Variants in PDE8B observed in about 807,000 individuals in gnomAD.
PDE8B encodes the protein high affinity cAMP-specific and IBMX-insensitive 3',5'-cyclic phosphodiesterase 8B.
Under a neutral mutation model 101.3 loss-of-function variants are expected in PDE8B, and 26 were observed. That is an observed-to-expected ratio of 0.26 (90% CI 0.19 to 0.36). PDE8B has a LOEUF of 0.36. PDE8B is among the 10% of genes least tolerant of loss of function. The pLI is 1.00. For synonymous variants in PDE8B, 424 were observed against 429.3 expected (o/e 0.99, Z 0.15); for missense variants, 810 against 1,163.1 (o/e 0.70, Z 4.42).
At chr5:77,251,467 A>G (rs1758042793) in intron 1 of PDE8B, among the ~76,000 whole-genome samples, 1 of 152,230 alleles carries the variant, frequency 6.6e-6, no homozygotes, top group Non-Finnish European at 1.5e-5. Flanking sequence ...GTTAAAGCAG[A>G]GAAGGTCTCT....
chr5:77,115,883 A>G, the PDE8B span, among the ~76,000 whole-genome samples: 1 of 152,248 alleles, frequency 6.6e-6, no homozygotes, highest in Admixed American at 6.5e-5. Context: ...TAATGATTCC[A>G]TAATCTCTCA....
intron 1 of PDE8B, among the ~76,000 whole-genome samples, chr5:77,273,034 A>C (rs532507161): frequency 1.3e-5 from 2 of 152,366 alleles, no homozygotes; most frequent in East Asian, 3.9e-4. Flanking sequence ...AATTTAAAGA[A>C]ACTTGCTTAT....
In PDE8B at chr5:77,426,677, T is replaced by G. The variant is rs996310979; in HGVS notation, c.*123T>G. The G allele has an allele frequency of 1.4e-5, 10 of 709,272 alleles. No homozygotes were observed. The highest frequency in any genetic ancestry group is 7.8e-6 in the Non-Finnish European group (3 of 383,762). 43.9% of individuals were successfully genotyped at this position (709,272 alleles called of 1,614,324 possible). On this transcript the variant is annotated 3_prime_UTR_variant, in exon 22 of 22. Transcript: ENST00000264917. Reference sequence around the variant, plus strand: ...TTGGTGAAGGAGCTAATGTTTAATATTTGACCTTGAATCATTCAAGTCCCC... The same window carrying G: ...TTGGTGAAGGAGCTAATGTTTAATAGTTGACCTTGAATCATTCAAGTCCCC...
At chr5:77,232,424 G>C (rs1753767528) in intron 1 of PDE8B, among the ~76,000 whole-genome samples, 1 of 152,194 alleles carries the variant, frequency 6.6e-6, no homozygotes, top group Admixed American at 6.5e-5. Flanking sequence ...AGATATTTGT[G>C]AATTATTCAA....
At chr5:77,092,585 C>T in the PDE8B span, 2 of 152,182 alleles carry the variant, frequency 1.3e-5, no homozygotes, top group Non-Finnish European at 2.9e-5. Context: ...TCCCTATTCT[C>T]TTCAGAAATT....
chr5:77,252,897 C>T (rs963204037), intron 1 of PDE8B, among the ~76,000 whole-genome samples: 10 of 152,140 alleles, frequency 6.6e-5, no homozygotes, highest in African/African-American at 2.4e-4. Context: ...TATTTCGACC[C>T]TTCCATTGAG....
At position 77,427,929 on chromosome 5, in the gene PDE8B, T is replaced by C. The variant is rs189532827; in HGVS notation, c.*1375T>C. On this transcript the variant is annotated 3_prime_UTR_variant, in exon 22 of 22. Transcript: ENST00000264917. ...AGTAATTACTTTTTTCCAATACAAA[T>C]TGGAATGCAGAATACTTGGAACTTG... The C allele has an allele frequency of 9.2e-5, 14 of 152,316 alleles. No individual in the cohort carries two copies. Among genetic ancestry groups the C allele is most frequent in the Admixed American group, 7.2e-4 (11 of 15,300 alleles). The allele number at this position is 152,316 out of a possible 1,614,324, so 9.4% of individuals were successfully genotyped here.
chr5:77,411,750 G>T lies in PDE8B; in HGVS notation c.1576+29G>T, dbSNP rs200925235. ...AGTTTTCATCTATTTACTTGTTAGTGTAACCTGTCTCCAGCCTGTGCTGTC... is the reference window on the plus strand; with the variant it reads ...AGTTTTCATCTATTTACTTGTTAGTTTAACCTGTCTCCAGCCTGTGCTGTC... On this transcript the variant is annotated intron_variant, in intron 15 of 21. Coordinates refer to ENST00000264917, the MANE Select transcript of PDE8B (RefSeq NM_003719.5). 6,324 of 1,529,450 alleles carry T rather than the reference G, an allele frequency of 4.1e-3. 22 individuals are homozygous for T. Among genetic ancestry groups the T allele is most frequent in the Non-Finnish European group, 5.0e-3 (5,530 of 1,102,664 alleles). 94.7% of individuals were successfully genotyped at this position (1,529,450 alleles called of 1,614,324 possible). A position where few individuals can be genotyped will look rare whatever the true frequency, so the allele number is the denominator to read the frequency against.
intron 17 of PDE8B, 77 bp downstream of exon 17, chr5:77,413,386 G>T (rs1794928749): frequency 1.5e-6 from 2 of 1,298,754 alleles, no homozygotes; most frequent in Non-Finnish European, 2.2e-6. Flanking sequence ...AATACATTAG[G>T]CAAACAGCTA....
At chr5:77,280,623 C>T (rs1003310658) in intron 1 of PDE8B, among the ~76,000 whole-genome samples, 1 of 152,146 alleles carries the variant, frequency 6.6e-6, no homozygotes, top group African/African-American at 2.4e-5. Context: ...TGGCCAGGCG[C>T]GGTGGCTCAC....
chr5:77,205,785 T>C (rs1747454303), upstream of PDE8B, among the ~76,000 whole-genome samples: 1 of 152,238 alleles, frequency 6.6e-6, no homozygotes, highest in Admixed American at 6.5e-5. Flanking sequence ...ATATTTGTAA[T>C]CAATCTATGT....
chr5:77,386,865 C>CTTTTTTTTTATTTTTTTTTTTTTTT (rs1788756927), intron 10 of PDE8B, among the ~76,000 whole-genome samples: 1 of 51,060 alleles, frequency 2.0e-5, no homozygotes, highest in African/African-American at 9.3e-5. Context: ...GATGTAGTTT[C>CTTTTTTTTTATTTTTTTTTTTTTTT]TTTTTTTTTT....
chr5:77,421,899 A>G lies in PDE8B; in HGVS notation c.2329A>G (p.Ile777Val). 6.2e-7 allele frequency: 1 copy of G among 1,614,140 alleles called. No individual in the cohort carries two copies. The highest frequency in any genetic ancestry group is 8.5e-7 in the Non-Finnish European group (1 of 1,180,002). Residue 777 changes from isoleucine to valine, a missense_variant, in exon 20 of 22, where the codon ATT becomes GTT. Physicochemically the swap from Ile to Val is conservative, Grantham distance 29. Transcript: ENST00000264917. ...ENQILIKRMM[I>V]KCADVANPCR... ...CCAAATCCTGATCAAACGCATGATGATTAAGTGTGCTGACGTGGCCAACCC... is the reference window on the plus strand; with the variant it reads ...CCAAATCCTGATCAAACGCATGATGGTTAAGTGTGCTGACGTGGCCAACCC...
chr5:77,193,891 T>G, the PDE8B span, among the ~76,000 whole-genome samples: 2 of 152,194 alleles, frequency 1.3e-5, no homozygotes, highest in African/African-American at 4.8e-5. Flanking sequence ...ATTTTATGCT[T>G]TTTAATATTA....
the PDE8B span, among the ~76,000 whole-genome samples, chr5:77,108,795 A>T: frequency 6.6e-6 from 1 of 152,316 alleles, no homozygotes; most frequent in Middle Eastern, 3.4e-3. Context: ...AAAAATATTT[A>T]TCTGCACCAC....
intron 2 of PDE8B, among the ~76,000 whole-genome samples, chr5:77,320,888 A>G (rs766697337): frequency 6.6e-6 from 1 of 152,232 alleles, no homozygotes; most frequent in Non-Finnish European, 1.5e-5. Context: ...ATACTGATAC[A>G]CAGAATATTA....
chr5:77,215,781 T>C (rs577499456), intron 1 of PDE8B, among the ~76,000 whole-genome samples: 1 of 152,228 alleles, frequency 6.6e-6, no homozygotes, highest in African/African-American at 2.4e-5. Context: ...GTGAGCCCCG[T>C]GGAACCAGGT....
At chr5:77,164,018 C>G in the PDE8B span, among the ~76,000 whole-genome samples, 12,538 of 152,142 alleles carry the variant, frequency 0.082, 635 homozygotes, top group African/African-American at 0.15. Flanking sequence ...GTGCACATGA[C>G]CAGGATGAAA....
intron 1 of PDE8B, among the ~76,000 whole-genome samples, chr5:77,309,700 G>A (rs975737380): frequency 1.3e-5 from 2 of 151,752 alleles, no homozygotes; most frequent in African/African-American, 4.8e-5. Context: ...GCTCACTGCA[G>A]CCTCCACCTC....
Sources: allele counts gnomAD v4.1 joint callset (sites outside exome capture counted in the v4.1 genomes callset), GRCh38; gene constraint gnomAD v4.1.1; transcripts MANE v1.5; gene names NCBI Gene and HGNC (gene_info 2026-07-23, HGNC 2026-07-21).